Variants in CCDC68 observed in about 807,000 individuals in gnomAD.
CCDC68 encodes coiled-coil domain-containing protein 68.
In CCDC68, 45 loss-of-function variants were observed where a neutral mutation model predicts 47.1. That is an observed-to-expected ratio of 0.96 (90% confidence interval 0.75 to 1.23). The LOEUF (loss-of-function observed/expected upper bound fraction) is 1.23. CCDC68 is among the 50% of genes most tolerant of loss of function. CCDC68 has a pLI of 0.00. For missense variants in CCDC68, 353 were observed against 373.6 expected, an observed-to-expected ratio of 0.94 and a Z score of 0.45; for synonymous variants, 131 against 129.5, an observed-to-expected ratio of 1.01 and a Z score of -0.08.
At chr18:54,942,952 C>A in intron 2 of CCDC68, 149 bp from the exon 3 acceptor site, 1 of 486,982 alleles carries the variant, frequency 2.1e-6, no homozygotes, top group Non-Finnish European at 3.6e-6. Context: ...ATTCATAAAT[C>A]CAGGAATTAA....
chr18:54,938,421 T>C (rs1487204296), intron 4 of CCDC68, among the ~76,000 whole-genome samples: 2 of 152,222 alleles, frequency 1.3e-5, no homozygotes, highest in Non-Finnish European at 2.9e-5. Flanking sequence ...AAAATCTAAG[T>C]TGTGGACATA....
At chr18:54,932,245 C>T (rs917044167) in intron 7 of CCDC68, among the ~76,000 whole-genome samples, 3 of 149,762 alleles carry the variant, frequency 2.0e-5, no homozygotes, top group African/African-American at 4.9e-5. Context: ...AGTGCAGTGG[C>T]GTCATCTCGG....
At chr18:54,923,796 C>CGGCT (rs1344827660) in intron 8 of CCDC68, among the ~76,000 whole-genome samples, 153 of 152,038 alleles carry the variant, frequency 1.0e-3, no homozygotes, top group African/African-American at 3.6e-3. Context: ...ACTGCAACCT[C>CGGCT]CAGCTCCTGG....
chr18:54,957,187 C>T (rs956556231), intron 1 of CCDC68, among the ~76,000 whole-genome samples: 1 of 152,122 alleles, frequency 6.6e-6, no homozygotes, highest in Non-Finnish European at 1.5e-5. Flanking sequence ...TATTTCATAA[C>T]ATTAAGCCTG....
chr18:54,948,013 T>C (rs536499999), intron 1 of CCDC68, among the ~76,000 whole-genome samples: 8 of 152,286 alleles, frequency 5.3e-5, no homozygotes, highest in African/African-American at 1.9e-4. Flanking sequence ...CCCAGGAGAA[T>C]CTAACTAAAC....
chr18:54,921,746 G>T (rs1472605182), intron 8 of CCDC68, among the ~76,000 whole-genome samples: 2 of 152,198 alleles, frequency 1.3e-5, no homozygotes, highest in Non-Finnish European at 2.9e-5. Flanking sequence ...CCCTCCTCTT[G>T]ATTAACACTA....
intron 8 of CCDC68, among the ~76,000 whole-genome samples, chr18:54,925,804 G>A (rs1400324318): frequency 3.3e-5 from 5 of 152,294 alleles, no homozygotes; most frequent in South Asian, 2.1e-4. Context: ...TGGAATAAAG[G>A]ATAACTAGGG....
intron 10 of CCDC68, among the ~76,000 whole-genome samples, chr18:54,910,764 T>C (rs1914312475): frequency 6.6e-6 from 1 of 151,982 alleles, no homozygotes; most frequent in Non-Finnish European, 1.5e-5. Context: ...CAGAAGGGGG[T>C]TAGCATGTCA....
At position 54,934,811 on chromosome 18, in the gene CCDC68, G is replaced by A. The variant is rs752180360; in HGVS notation, c.600+9C>T. 6.7e-7 allele frequency: 1 copy of A among 1,484,220 alleles called. No individual in the cohort carries two copies. Among genetic ancestry groups the A allele is most frequent in the African/African-American group, 1.4e-5 (1 of 69,218 alleles). 91.9% of individuals were successfully genotyped at this position (1,484,220 alleles called of 1,614,324 possible). A position where few individuals can be genotyped will look rare whatever the true frequency, so the allele number is the denominator to read the frequency against. On this transcript the variant is annotated intron_variant, in intron 7 of 11. Coordinates refer to ENST00000591504, the MANE Select transcript of CCDC68 (RefSeq NM_025214.3). ...AGTAAGAAAATCCTCTAATTCTCCA[G>A]GGGCGTACCTTTTCCATTCTCTGTA... is the stretch of plus-strand genomic sequence containing the variant.
intron 6 of CCDC68, among the ~76,000 whole-genome samples, chr18:54,936,147 ATATT>A (rs1164570068): frequency 8.9e-5 from 13 of 145,806 alleles, no homozygotes; most frequent in Admixed American, 1.4e-4. Flanking sequence ...TAGATATTAT[ATATT>A]TATTTATTAT....
intron 8 of CCDC68, among the ~76,000 whole-genome samples, chr18:54,926,996 A>C (rs1440124643): frequency 6.6e-6 from 1 of 152,248 alleles, no homozygotes; most frequent in Non-Finnish European, 1.5e-5. Context: ...TTTTAAGAAG[A>C]CAAATCTTTT....
intron 2 of CCDC68, among the ~76,000 whole-genome samples, chr18:54,943,718 T>G (rs193030597): frequency 5.9e-5 from 9 of 152,346 alleles, no homozygotes; most frequent in African/African-American, 2.2e-4. Context: ...GTATTGCCAT[T>G]TTGAACTGTG....
chr18:54,916,714 G>A (rs1469058081), intron 10 of CCDC68, among the ~76,000 whole-genome samples: 1 of 152,166 alleles, frequency 6.6e-6, no homozygotes, highest in Admixed American at 6.5e-5. Flanking sequence ...CAGGGGCATC[G>A]CCAGCAGAGG....
intron 10 of CCDC68, among the ~76,000 whole-genome samples, chr18:54,915,244 C>T (rs1031890875): frequency 1.3e-5 from 2 of 152,220 alleles, no homozygotes; most frequent in African/African-American, 4.8e-5. Flanking sequence ...AATAAAGAGG[C>T]ATTTCAAATT....
At chr18:54,933,347 C>T (rs1015122935) in intron 7 of CCDC68, among the ~76,000 whole-genome samples, 1 of 152,148 alleles carries the variant, frequency 6.6e-6, no homozygotes, top group Non-Finnish European at 1.5e-5. Context: ...TCCCAAAGTG[C>T]TGGGATTATA....
At chr18:54,933,330 C>T (rs968099888) in intron 7 of CCDC68, among the ~76,000 whole-genome samples, 2 of 152,146 alleles carry the variant, frequency 1.3e-5, no homozygotes, top group Non-Finnish European at 2.9e-5. Context: ...ATCTGCCCAC[C>T]TCGGCCTCCC....
chr18:54,932,902 CA>C (rs2044287920), intron 7 of CCDC68, among the ~76,000 whole-genome samples: 1 of 152,190 alleles, frequency 6.6e-6, no homozygotes, highest in African/African-American at 2.4e-5. Flanking sequence ...GTCATCTCCA[CA>C]AAAAGAGACT....
At chr18:54,953,535 C>T (rs71365331) in intron 1 of CCDC68, among the ~76,000 whole-genome samples, 33,368 of 103,420 alleles carry the variant, frequency 0.32, 4,068 homozygotes, top group Admixed American at 0.38. Flanking sequence ...CACACACACA[C>T]ACACATATAT....
chr18:54,908,396 T>C (rs1914139825), intron 10 of CCDC68, among the ~76,000 whole-genome samples: 1 of 152,210 alleles, frequency 6.6e-6, no homozygotes, highest in Non-Finnish European at 1.5e-5. Flanking sequence ...TTTGTGTAAG[T>C]TGTTGGAAGA....
Sources: gnomAD v4.1 joint callset for allele counts (sites outside exome capture counted in the v4.1 genomes callset) on GRCh38, gnomAD v4.1.1 for gene constraint, MANE v1.5 for transcripts, NCBI Gene and HGNC (gene_info 2026-07-23, HGNC 2026-07-21) for gene names.